Variants in GLIPR1L2 observed in about 807,000 individuals in gnomAD.
The protein encoded by GLIPR1L2 is GLIPR1 like 2, also known as GLIPR1-like protein 2.
A neutral mutation model predicts 28.4 loss-of-function variants in GLIPR1L2; 21 were observed. The observed-to-expected ratio is 0.74, with a 90% CI of 0.52 to 1.06. The LOEUF (loss-of-function observed/expected upper bound fraction) is 1.06, where lower values mean the gene tolerates loss of function less well. GLIPR1L2 is among the 50% of genes least tolerant of loss of function. GLIPR1L2 has a pLI of 0.00. For synonymous variants in GLIPR1L2, 145 were observed against 139.3 expected (o/e 1.04, Z -0.29); for missense variants, 476 against 416.9 (o/e 1.14, Z -1.23).
chr12:75,400,488 C>T (rs895830189), intron 1 of GLIPR1L2, among the ~76,000 whole-genome samples: 3 of 151,972 alleles, frequency 2.0e-5, no homozygotes, highest in African/African-American at 7.3e-5. Context: ...CATTATGATA[C>T]GTTTTGTATA....
At chr12:75,403,737 C>G (rs897920327) in intron 1 of GLIPR1L2, among the ~76,000 whole-genome samples, 1 of 152,068 alleles carries the variant, frequency 6.6e-6, no homozygotes, top group African/African-American at 2.4e-5. Flanking sequence ...ACCTTCAACC[C>G]CCTACCTCCT....
intron 1 of GLIPR1L2, among the ~76,000 whole-genome samples, chr12:75,405,661 C>T (rs2045790425): frequency 6.6e-6 from 1 of 152,012 alleles, no homozygotes; most frequent in South Asian, 2.1e-4. Flanking sequence ...GCCAGTTTGC[C>T]AGCAACCCAC....
At chr12:75,427,236 T>C (rs1594033299) in intron 4 of GLIPR1L2, among the ~76,000 whole-genome samples, 1 of 152,086 alleles carries the variant, frequency 6.6e-6, no homozygotes, top group East Asian at 1.9e-4. Context: ...ATGAAACATA[T>C]AATCAATGAA....
chr12:75,394,236 T>C lies in GLIPR1L2; in HGVS notation c.234+2886T>C, dbSNP rs565511850. 8.4e-4 allele frequency among the ~76,000 whole-genome samples: 128 copies of C among 152,220 alleles called. 1 individual carries two copies. The highest frequency in any genetic ancestry group is 6.7e-3 in the Admixed American group (102 of 15,294). On this transcript the variant is annotated intron_variant, in intron 1 of 5. Transcript: ENST00000550916. ...TTGCCTTTGCACTCTATTGATAATA[T>C]CCTTTGATAAACAAAAGTTTTTAAC...
At chr12:75,417,985 T>TTAA (rs1356533328) in intron 3 of GLIPR1L2, among the ~76,000 whole-genome samples, 1 of 152,060 alleles carries the variant, frequency 6.6e-6, no homozygotes, top group Non-Finnish European at 1.5e-5. Flanking sequence ...CCTAGGAAAA[T>TTAA]ATATAGAGTG....
intron 1 of GLIPR1L2, among the ~76,000 whole-genome samples, chr12:75,397,579 A>G (rs2045694179): frequency 6.6e-6 from 1 of 152,160 alleles, no homozygotes; most frequent in Non-Finnish European, 1.5e-5. Context: ...CCCCTGTTAC[A>G]GTCAGTTTTA....
At chr12:75,422,567 G>C (rs557267812) in intron 3 of GLIPR1L2, among the ~76,000 whole-genome samples, 2 of 152,262 alleles carry the variant, frequency 1.3e-5, no homozygotes, top group Admixed American at 6.5e-5. Flanking sequence ...CTCCCAAAGT[G>C]CTGGGATTAC....
rs1398190794 is a variant in GLIPR1L2, at chr12:75,413,705, AG to A, written c.584+5del. 1 of 1,329,992 alleles carries A rather than the reference AG, an allele frequency of 7.5e-7. No homozygotes were observed. Among genetic ancestry groups the A allele is most frequent in the East Asian group, 2.6e-5 (1 of 37,956 alleles). 82.4% of individuals were successfully genotyped at this position (1,329,992 alleles called of 1,614,324 possible). On this transcript the variant is annotated splice_donor_5th_base_variant and intron_variant, in intron 3 of 5. Coordinates refer to ENST00000550916, the MANE Select transcript of GLIPR1L2 (RefSeq NM_001270396.2). Reference sequence around the variant, plus strand: ...TCATATGCAACTATGCGCCAGGGTAAGTTACTTAAAATTAATAAAAGAATAT... The same window carrying A: ...TCATATGCAACTATGCGCCAGGGTAATTACTTAAAATTAATAAAAGAATAT...
chr12:75,400,264 A>C (rs1594001794), intron 1 of GLIPR1L2, among the ~76,000 whole-genome samples: 1 of 151,968 alleles, frequency 6.6e-6, no homozygotes, highest in East Asian at 1.9e-4. Flanking sequence ...GACTACAGGC[A>C]CCTGCCACCA....
chr12:75,400,831 T>A (rs2045732769), intron 1 of GLIPR1L2, among the ~76,000 whole-genome samples: 1 of 152,134 alleles, frequency 6.6e-6, no homozygotes, highest in African/African-American at 2.4e-5. Context: ...TTTAGTGTAT[T>A]AGGGCTAGCA....
intron 4 of GLIPR1L2, 124 bp from the exon 5 acceptor site, chr12:75,430,591 G>A (rs555062926): frequency 2.4e-6 from 2 of 832,458 alleles, no homozygotes; most frequent in East Asian, 2.6e-5. Context: ...CTGGTTGGAG[G>A]GAGGACATCA....
At chr12:75,398,268 G>T (rs2045702285) in intron 1 of GLIPR1L2, among the ~76,000 whole-genome samples, 1 of 145,016 alleles carries the variant, frequency 6.9e-6, no homozygotes, top group African/African-American at 2.6e-5. Context: ...AGCAGAGGTT[G>T]CAGTGAGCTG....
rs34999430 is a variant in GLIPR1L2 at position 75,414,796 on chromosome 12, C to T, written c.584+1095C>T. 4.1e-3 allele frequency among the ~76,000 whole-genome samples: 625 copies of T among 152,082 alleles called. 1 individual carries two copies. The highest frequency in any genetic ancestry group is 6.7e-3 in the Non-Finnish European group (457 of 67,958). Reference sequence around the variant, plus strand: ...GTAGAGGTTTTTCTGGGGCACAAATCCTCATTTATTCACTCAGCAAGTATG... The same window carrying T: ...GTAGAGGTTTTTCTGGGGCACAAATTCTCATTTATTCACTCAGCAAGTATG... On this transcript the variant is annotated intron_variant, in intron 3 of 5. Coordinates refer to ENST00000550916, the MANE Select transcript of GLIPR1L2 (RefSeq NM_001270396.2).
chr12:75,399,833 T>C (rs1479952802), intron 1 of GLIPR1L2, among the ~76,000 whole-genome samples: 2 of 152,222 alleles, frequency 1.3e-5, no homozygotes, highest in Non-Finnish European at 2.9e-5. Flanking sequence ...AGCAAAATGA[T>C]ATAGTCCTTG....
At chr12:75,428,741 A>T (rs1174070992) in intron 4 of GLIPR1L2, among the ~76,000 whole-genome samples, 1 of 152,164 alleles carries the variant, frequency 6.6e-6, no homozygotes, top group Non-Finnish European at 1.5e-5. Flanking sequence ...TAGCCTTGGG[A>T]CATGGTTCCC....
intron 3 of GLIPR1L2, among the ~76,000 whole-genome samples, chr12:75,422,640 C>T (rs2045989088): frequency 6.6e-6 from 1 of 152,080 alleles, no homozygotes. Flanking sequence ...TTGCTATAAA[C>T]TAAAATGAAA....
chr12:75,408,721 A>G (rs2045829702), intron 1 of GLIPR1L2, among the ~76,000 whole-genome samples: 2 of 152,064 alleles, frequency 1.3e-5, no homozygotes, highest in Middle Eastern at 3.4e-3. Context: ...TTAATATGGA[A>G]CTCTTTCTCT....
chr12:75,391,187 T>G lies in GLIPR1L2; in HGVS notation c.71T>G (p.Leu24Trp), dbSNP rs990445943. ...CTACCCCTGGCAGTAGGGGGCGTTT[T>G]GAAGCTGCGGCTCTGTGAGCTGTGG... Reference protein sequence around the residue: ...QSLPLAVGGVLKLRLCELWLL... With the variant: ...QSLPLAVGGVWKLRLCELWLL... The change falls in exon 1 of 6, where the codon TTG becomes TGG. Residue 24 changes from leucine to tryptophan, a missense_variant. By Grantham distance (61) the Leu-to-Trp change is moderately conservative. Coordinates refer to ENST00000550916, the MANE Select transcript of GLIPR1L2 (RefSeq NM_001270396.2). 6.2e-7 allele frequency: 1 copy of G among 1,614,120 alleles called. No individual in the cohort carries two copies.
intron 1 of GLIPR1L2, among the ~76,000 whole-genome samples, chr12:75,398,223 G>A (rs2045701711): frequency 6.7e-6 from 1 of 148,808 alleles, no homozygotes; most frequent in Non-Finnish European, 1.5e-5. Flanking sequence ...TAGCTACTCC[G>A]AAGGCTGAGG....
Sources: allele counts gnomAD v4.1 joint callset (sites outside exome capture counted in the v4.1 genomes callset), GRCh38; gene constraint gnomAD v4.1.1; transcripts MANE v1.5; gene names NCBI Gene and HGNC (gene_info 2026-07-23, HGNC 2026-07-21).